The following TASP1 variants were observed in gnomAD, a reference collection of about 807,000 sequenced individuals.
TASP1 encodes threonine aspartase 1.
In TASP1, 16 loss-of-function variants were observed where a neutral mutation model predicts 56.6. The ratio of observed to expected loss-of-function variants is 0.28; its 90% CI spans 0.19 to 0.43. The LOEUF is 0.43. TASP1 is among the 20% of genes least tolerant of loss of function. TASP1 has a pLI of 1.00. For synonymous variants in TASP1, 179 were observed against 184.2 expected, an observed-to-expected ratio of 0.97 and a Z score of 0.23; for missense variants, 393 against 511.6, an observed-to-expected ratio of 0.77 and a Z score of 2.24.
At chr20:13,357,896 C>T in the TASP1 span, among the ~76,000 whole-genome samples, 1 of 152,184 alleles carries the variant, frequency 6.6e-6, no homozygotes, top group African/African-American at 2.4e-5. Context: ...GCCTCTGAGC[C>T]CAAGCCAAGC....
At chr20:13,362,012 C>G in the TASP1 span, among the ~76,000 whole-genome samples, 29,011 of 143,498 alleles carry the variant, frequency 0.2, 3,488 homozygotes, top group African/African-American at 0.33. Context: ...CATTCTATAC[C>G]ACAAATGTTT....
the TASP1 span, among the ~76,000 whole-genome samples, chr20:13,348,679 G>C: frequency 2.6e-5 from 4 of 152,100 alleles, no homozygotes; most frequent in Non-Finnish European, 5.9e-5. Flanking sequence ...GGTTTATTAT[G>C]GCTGGCCAGT....
the TASP1 span, among the ~76,000 whole-genome samples, chr20:13,108,980 A>G: frequency 6.6e-6 from 1 of 152,352 alleles, no homozygotes; most frequent in Non-Finnish European, 1.5e-5. Flanking sequence ...GGGAAAGCTT[A>G]GGAAATGCAA....
At chr20:13,126,478 G>A in the TASP1 span, 2 of 1,253,598 alleles carry the variant, frequency 1.6e-6, no homozygotes, top group African/African-American at 1.5e-5. Context: ...CATCTTTTGA[G>A]CATGAGATCA....
the TASP1 span, among the ~76,000 whole-genome samples, chr20:13,323,623 C>T: frequency 5.9e-5 from 9 of 152,292 alleles, no homozygotes; most frequent in East Asian, 1.3e-3. Flanking sequence ...AACTACCATA[C>T]GACTATAATT....
At chr20:13,397,110 CTA>C (rs2041570770) in intron 13 of TASP1, among the ~76,000 whole-genome samples, 1 of 152,192 alleles carries the variant, frequency 6.6e-6, no homozygotes, top group Non-Finnish European at 1.5e-5. Flanking sequence ...CCCACAGTAA[CTA>C]TTATTTCACC....
intron 13 of TASP1, among the ~76,000 whole-genome samples, chr20:13,398,210 A>C (rs942711442): frequency 2.0e-5 from 3 of 152,130 alleles, no homozygotes; most frequent in Non-Finnish European, 4.4e-5. Flanking sequence ...GAAAAATACA[A>C]ACCACCAACA....
rs1051861955 is a variant in TASP1 at position 13,417,433 on chromosome 20, T to C, written c.1170+15A>G. ...CTACAAGGTTTTCAGGTTATGACCG[T>C]TTTTTCCCACTTACCTTGGCTTTCC... On this transcript the variant is annotated intron_variant, in intron 13 of 13. Transcript: ENST00000337743. The C allele has an allele frequency of 6.2e-7, 1 of 1,613,772 alleles. No homozygotes were observed. Among genetic ancestry groups the C allele is most frequent in the Admixed American group, 1.7e-5 (1 of 59,966 alleles).
the TASP1 span, among the ~76,000 whole-genome samples, chr20:13,230,850 C>T: frequency 1.6e-4 from 24 of 152,152 alleles, no homozygotes; most frequent in African/African-American, 4.3e-4. Context: ...AACATAAATA[C>T]GTAAAACCTA....
chr20:13,626,709 C>T (rs1600202865), intron 2 of TASP1, among the ~76,000 whole-genome samples: 1 of 152,146 alleles, frequency 6.6e-6, no homozygotes, highest in South Asian at 2.1e-4. Flanking sequence ...ATTTAATAGG[C>T]CTCTCTTCAT....
chr20:13,117,190 G>C, the TASP1 span, among the ~76,000 whole-genome samples: 1 of 152,178 alleles, frequency 6.6e-6, no homozygotes, highest in African/African-American at 2.4e-5. Context: ...AATCCAGAAT[G>C]GTCAGTCTAG....
chr20:13,420,822 T>C (rs1211410658), intron 12 of TASP1, among the ~76,000 whole-genome samples: 1 of 152,140 alleles, frequency 6.6e-6, no homozygotes, highest in Non-Finnish European at 1.5e-5. Flanking sequence ...AGACTGGATT[T>C]CAAGCTGGAC....
chr20:13,440,680 TAA>T (rs34830955), intron 11 of TASP1, among the ~76,000 whole-genome samples: 285 of 142,682 alleles, frequency 2.0e-3, no homozygotes, highest in African/African-American at 3.1e-3. Context: ...ACTGATAAGC[TAA>T]AAAAAAAAAA....
At chr20:13,181,681 T>TA in the TASP1 span, among the ~76,000 whole-genome samples, 1 of 152,166 alleles carries the variant, frequency 6.6e-6, no homozygotes, top group Admixed American at 6.5e-5. Flanking sequence ...GATGTGGTGG[T>TA]AAAATGCAAG....
chr20:13,188,274 C>T, the TASP1 span, among the ~76,000 whole-genome samples: 2 of 152,100 alleles, frequency 1.3e-5, no homozygotes, highest in African/African-American at 4.8e-5. Flanking sequence ...TTGCTGATGG[C>T]ATGATCTTAT....
intron 13 of TASP1, among the ~76,000 whole-genome samples, chr20:13,406,482 G>A (rs1250915430): frequency 1.3e-5 from 2 of 151,962 alleles, no homozygotes; most frequent in Non-Finnish European, 2.9e-5. Flanking sequence ...TGTACTAGTG[G>A]AGCATCCAAT....
chr20:13,202,674 C>CTTG, the TASP1 span, among the ~76,000 whole-genome samples: 1 of 152,174 alleles, frequency 6.6e-6, no homozygotes, highest in Admixed American at 6.5e-5. Flanking sequence ...AGGTTGAGAG[C>CTTG]AAGGCTGGCT....
At chr20:13,508,728 T>C (rs116648742) in intron 10 of TASP1, among the ~76,000 whole-genome samples, 5,737 of 152,144 alleles carry the variant, frequency 0.038, 345 homozygotes, top group African/African-American at 0.13. Context: ...CAATAGGTAG[T>C]TATATGAAAA....
the TASP1 span, among the ~76,000 whole-genome samples, chr20:13,261,633 T>A: frequency 6.6e-6 from 1 of 152,158 alleles, no homozygotes; most frequent in Non-Finnish European, 1.5e-5. Flanking sequence ...GCCCCAGTCC[T>A]TTCCACAGTA....
Sources: gnomAD v4.1 joint callset for allele counts (sites outside exome capture counted in the v4.1 genomes callset) on GRCh38, gnomAD v4.1.1 for gene constraint, MANE v1.5 for transcripts, NCBI Gene and HGNC (gene_info 2026-07-23, HGNC 2026-07-21) for gene names.